The following RBFOX1 variants were observed in gnomAD, a reference collection of about 807,000 sequenced individuals.
The protein encoded by RBFOX1 is RNA binding fox-1 homolog 1, also known as RNA binding protein fox-1 homolog 1.
Under a neutral mutation model 57.7 loss-of-function variants are expected in RBFOX1, and 8 were observed. The observed-to-expected ratio is 0.14, with a 90% CI of 0.08 to 0.25. The LOEUF is 0.25. Among genes scored for constraint, RBFOX1 ranks in the 10% least tolerant of loss-of-function variants. RBFOX1 has a pLI of 1.00. For synonymous variants in RBFOX1, 326 were observed against 222.4 expected (o/e 1.47, Z -4.15); for missense variants, 611 against 548.5 (o/e 1.11, Z -1.14).
At chr16:5,877,964 C>T (rs549327102) in intron 4 of RBFOX1, among the ~76,000 whole-genome samples, 5 of 152,286 alleles carry the variant, frequency 3.3e-5, no homozygotes, top group African/African-American at 7.2e-5. Flanking sequence ...AGTGTCTCGG[C>T]TCCACCTCCA....
intron 4 of RBFOX1, among the ~76,000 whole-genome samples, chr16:7,179,715 A>G (rs2152512890): frequency 1.3e-5 from 2 of 152,006 alleles, no homozygotes; most frequent in South Asian, 4.1e-4. Context: ...TTTAAAAAGA[A>G]ATTCACCATC....
chr16:6,895,337 A>G (rs563949107), intron 3 of RBFOX1, among the ~76,000 whole-genome samples: 7 of 151,044 alleles, frequency 4.6e-5, no homozygotes, highest in African/African-American at 1.5e-4. Flanking sequence ...GATTTACTAA[A>G]TATGGAATGG....
chr16:6,167,093 A>G (rs7204309), intron 1 of RBFOX1, among the ~76,000 whole-genome samples: 49,217 of 152,154 alleles, frequency 0.32, 8,794 homozygotes, highest in Admixed American at 0.46. Context: ...TTTGGGAGTC[A>G]AGGCGAGATG....
At chr16:6,135,490 G>A (rs545697098) in intron 1 of RBFOX1, among the ~76,000 whole-genome samples, 5 of 152,216 alleles carry the variant, frequency 3.3e-5, no homozygotes, top group African/African-American at 1.2e-4. Flanking sequence ...TCATCATTTT[G>A]AGGCAAATTG....
chr16:5,270,059 C>A (rs530120682), intron 1 of RBFOX1: 8 of 180,334 alleles, frequency 4.4e-5, no homozygotes, highest in Non-Finnish European at 8.1e-5. Context: ...CTTTGGGAGA[C>A]TGAGGTGGGC....
intron 2 of RBFOX1, among the ~76,000 whole-genome samples, chr16:6,343,393 C>T (rs1308507411): frequency 2.0e-5 from 3 of 152,114 alleles, no homozygotes; most frequent in African/African-American, 7.2e-5. Flanking sequence ...CTAAATTATG[C>T]TCAGCAGTTG....
chr16:6,050,894 A>T (rs1028561551), intron 1 of RBFOX1, among the ~76,000 whole-genome samples: 1 of 151,296 alleles, frequency 6.6e-6, no homozygotes, highest in Non-Finnish European at 1.5e-5. Context: ...GTTGATGCTC[A>T]GATTATTCAA....
chr16:6,210,314 T>A, intron 1 of RBFOX1, among the ~76,000 whole-genome samples: 1 of 61,916 alleles, frequency 1.6e-5, no homozygotes, highest in Non-Finnish European at 3.3e-5. Context: ...TGCAATTCTG[T>A]CTGAAAAAAA....
At chr16:6,712,287 T>G (rs2063846473) in intron 3 of RBFOX1, among the ~76,000 whole-genome samples, 1 of 152,170 alleles carries the variant, frequency 6.6e-6, no homozygotes, top group African/African-American at 2.4e-5. Flanking sequence ...CTACAAGGTG[T>G]TGCAACCTTC....
chr16:7,477,506 C>G (rs1313624607), intron 4 of RBFOX1, among the ~76,000 whole-genome samples: 1 of 152,122 alleles, frequency 6.6e-6, no homozygotes. Context: ...CCTTCTGCCC[C>G]CTGAATATTA....
intron 3 of RBFOX1, among the ~76,000 whole-genome samples, chr16:6,983,920 T>A (rs2089616257): frequency 6.6e-6 from 1 of 152,162 alleles, no homozygotes; most frequent in African/African-American, 2.4e-5. Context: ...TAATGTGTCA[T>A]AAGAGCACAG....
At chr16:6,958,056 C>A (rs1024715591) in intron 3 of RBFOX1, among the ~76,000 whole-genome samples, 2 of 152,108 alleles carry the variant, frequency 1.3e-5, no homozygotes, top group African/African-American at 4.8e-5. Context: ...GAGGGGCCAT[C>A]TTTGGAGACT....
Position 7,545,535 on chromosome 16 carries a change from C to T in RBFOX1, c.270+27146C>T, listed in dbSNP as rs369002380. Among the ~76,000 whole-genome samples the T allele has an allele frequency of 1.1e-4, 16 of 152,268 alleles. No homozygotes were observed. The South Asian group carries it at 3.3e-3, about 32-fold the overall frequency. ...GCTAGCTGTGTTAATAGGCGCCAGA[C>T]AGGACTGTGCTATTTCTTAGAGCTT... On this transcript the variant is annotated intron_variant, in intron 5 of 15. Transcript: ENST00000550418.
intron 2 of RBFOX1, among the ~76,000 whole-genome samples, chr16:6,595,920 A>C (rs902978581): frequency 6.6e-6 from 1 of 152,030 alleles, no homozygotes; most frequent in African/African-American, 2.4e-5. Flanking sequence ...TTGTCTTTTT[A>C]TTAAGTTTTA....
intron 3 of RBFOX1, among the ~76,000 whole-genome samples, chr16:7,012,162 A>G (rs1454283937): frequency 6.6e-6 from 1 of 152,188 alleles, no homozygotes; most frequent in African/African-American, 2.4e-5. Context: ...TATGATCACT[A>G]TCATTTATTG....
At chr16:6,520,550 C>CA (rs150042452) in intron 2 of RBFOX1, among the ~76,000 whole-genome samples, 1 of 151,738 alleles carries the variant, frequency 6.6e-6, no homozygotes, top group Non-Finnish European at 1.5e-5. Context: ...TGTTTATAAG[C>CA]AAAAAAACAT....
chr16:6,892,369 T>A (rs2065657996), intron 3 of RBFOX1, among the ~76,000 whole-genome samples: 1 of 152,154 alleles, frequency 6.6e-6, no homozygotes, highest in South Asian at 2.1e-4. Context: ...GAAAATATCT[T>A]AAAATATCCA....
intron 12 of RBFOX1, chr16:7,664,691 A>G (rs1597587301): frequency 1.6e-6 from 1 of 612,376 alleles, no homozygotes; most frequent in Non-Finnish European, 2.8e-6. Context: ...GAAGTTTGGG[A>G]CCTAGCACAC....
chr16:5,585,037 C>T (rs1379752301), intron 2 of RBFOX1, among the ~76,000 whole-genome samples: 1 of 152,080 alleles, frequency 6.6e-6, no homozygotes, highest in East Asian at 1.9e-4. Flanking sequence ...TAAAATTAAC[C>T]ATTTTGGAGT....
Sources: allele counts gnomAD v4.1 joint callset (sites outside exome capture counted in the v4.1 genomes callset), GRCh38; gene constraint gnomAD v4.1.1; transcripts MANE v1.5; gene names NCBI Gene and HGNC (gene_info 2026-07-23, HGNC 2026-07-21).